The following MYO10 variants were observed in gnomAD, a reference collection of about 807,000 sequenced individuals.
The protein encoded by MYO10 is unconventional myosin-X.
In MYO10, 133 loss-of-function variants were observed where a neutral mutation model predicts 257.3. The observed-to-expected ratio is 0.52, with a 90% confidence interval of 0.45 to 0.60. MYO10 has a LOEUF of 0.60. Ranked by LOEUF, MYO10 falls within the 20% of genes least tolerant of loss-of-function variation. The pLI is 0.00. For missense variants in MYO10, 2,399 were observed against 2,635.7 expected (o/e 0.91, Z 1.97); for synonymous variants, 1,104 against 1,028.6 (o/e 1.07, Z -1.40).
intron 1 of MYO10, among the ~76,000 whole-genome samples, chr5:16,914,262 G>A (rs533024917): frequency 7.9e-5 from 12 of 152,266 alleles, no homozygotes; most frequent in African/African-American, 1.7e-4. Flanking sequence ...CAGCTCTGCC[G>A]ATCCCAACAG....
chr5:16,867,790 C>G lies in MYO10; in HGVS notation c.120+9819G>C, dbSNP rs1744323977. On this transcript the variant is annotated intron_variant, in intron 2 of 40. Transcript: ENST00000513610. ...ATGACTTGAAAGTCCCATGCAATCCCATGATCTTTTAGTGGATTAATAAAA... is the reference window on the plus strand; with the variant it reads ...ATGACTTGAAAGTCCCATGCAATCCGATGATCTTTTAGTGGATTAATAAAA... Among the ~76,000 whole-genome samples, 4 of 152,330 alleles carry G rather than the reference C, an allele frequency of 2.6e-5. No individual in the cohort carries two copies. In the South Asian group the frequency reaches 8.3e-4, roughly 32 times the overall value.
chr5:16,865,155 CA>C (rs201701607), intron 2 of MYO10, among the ~76,000 whole-genome samples: 7,562 of 147,720 alleles, frequency 0.051, 267 homozygotes, highest in South Asian at 0.17. Flanking sequence ...ATTAAAGTTT[CA>C]AAAAAAAAAG....
At chr5:16,789,941 G>C (rs1741704333) in intron 4 of MYO10, among the ~76,000 whole-genome samples, 1 of 152,072 alleles carries the variant, frequency 6.6e-6, no homozygotes, top group African/African-American at 2.4e-5. Flanking sequence ...CCCCTCTGAG[G>C]AATACACAAG....
At chr5:16,874,935 G>A (rs1289334831) in intron 2 of MYO10, among the ~76,000 whole-genome samples, 1 of 152,196 alleles carries the variant, frequency 6.6e-6, no homozygotes, top group Non-Finnish European at 1.5e-5. Context: ...TCAGAATCAT[G>A]GCGGGAGGCA....
intron 19 of MYO10, among the ~76,000 whole-genome samples, chr5:16,749,118 A>G (rs1278206342): frequency 6.6e-6 from 1 of 152,084 alleles, no homozygotes; most frequent in African/African-American, 2.4e-5. Flanking sequence ...GGCTGCATGG[A>G]AACTCTAGCC....
At chr5:16,812,755 C>T (rs1314100109) in intron 3 of MYO10, among the ~76,000 whole-genome samples, 1 of 152,166 alleles carries the variant, frequency 6.6e-6, no homozygotes, top group Non-Finnish European at 1.5e-5. Context: ...GCTTTCACTT[C>T]TTTTACTTTA....
chr5:16,757,155 T>C (rs1560968156), intron 18 of MYO10, among the ~76,000 whole-genome samples: 1 of 142,840 alleles, frequency 7.0e-6, no homozygotes, highest in African/African-American at 2.6e-5. Flanking sequence ...TCGGGTGTAG[T>C]GGCTTACACC....
Position 16,762,081 on chromosome 5 carries a change from T to A in MYO10, c.1620A>T (p.Ala540=), listed in dbSNP as rs774305900. ...NNHFYVKPRV[A]VNNFGVKHYA... The stretch of plus-strand genomic sequence containing the variant: ...AGTGCTTCACTCCAAAATTGTTAAC[T>A]GCAACTCTGGGCTTCACATAAAAGT... Residue 540 remains alanine, a synonymous_variant, in exon 16 of 41, where the codon GCA becomes GCT. Coordinates refer to ENST00000513610, the MANE Select transcript of MYO10 (RefSeq NM_012334.3). 6.2e-5 allele frequency: 87 copies of A among 1,412,850 alleles called. No homozygotes were observed. The highest frequency in any genetic ancestry group is 7.8e-5 in the Non-Finnish European group (83 of 1,066,500). 87.5% of individuals were successfully genotyped at this position (1,412,850 alleles called of 1,614,324 possible).
intron 1 of MYO10, among the ~76,000 whole-genome samples, chr5:16,932,447 G>A (rs578044365): frequency 3.3e-5 from 5 of 152,082 alleles, no homozygotes; most frequent in African/African-American, 1.2e-4. Flanking sequence ...CCCCTTTCCT[G>A]GTTGAGCCTT....
At chr5:16,802,076 C>T (rs1742135554) in intron 3 of MYO10, among the ~76,000 whole-genome samples, 1 of 152,060 alleles carries the variant, frequency 6.6e-6, no homozygotes. Flanking sequence ...ATCCAGAATA[C>T]TCAAATTGAT....
chr5:16,668,398 C>G lies in MYO10; in HGVS notation c.5954G>C (p.Arg1985Pro). 2 of 1,613,958 alleles carry G rather than the reference C, an allele frequency of 1.2e-6. No individual in the cohort carries two copies. The highest frequency in any genetic ancestry group is 1.7e-6 in the Non-Finnish European group (2 of 1,179,872). The change falls in exon 40 of 41, where the codon CGT (arginine) becomes CCT (proline). Residue 1985 changes from arginine (R) to proline (P), a missense_variant. Arg to Pro is a moderately radical substitution (Grantham distance 103). This residue lies in a region of MYO10 where 1,820 missense variants were observed against 1,939.4 expected (regional missense o/e 0.94). Coordinates refer to ENST00000513610, the MANE Select transcript of MYO10 (RefSeq NM_012334.3). ...VSADAVSVYK[R>P]GEGRPLEVFQ... ...GACTTCCAGTGGTCTTCCCTCTCCA[C>G]GCTTGTAGACGGAGACGGCGTCCGC... is the stretch of plus-strand genomic sequence containing the variant.
At chr5:16,807,295 C>T (rs1742305946) in intron 3 of MYO10, among the ~76,000 whole-genome samples, 1 of 152,198 alleles carries the variant, frequency 6.6e-6, no homozygotes, top group African/African-American at 2.4e-5. Flanking sequence ...ACACCTGTTA[C>T]TTCACACATA....
intron 19 of MYO10, among the ~76,000 whole-genome samples, chr5:16,739,194 A>G (rs1421688445): frequency 2.0e-5 from 3 of 149,766 alleles, no homozygotes; most frequent in Non-Finnish European, 3.0e-5. Context: ...CATGTCCCAA[A>G]AAAAAAAAAA....
chr5:16,809,688 C>G (rs1560995970), intron 3 of MYO10, among the ~76,000 whole-genome samples: 1 of 152,222 alleles, frequency 6.6e-6, no homozygotes, highest in Non-Finnish European at 1.5e-5. Flanking sequence ...TTTGAAACAT[C>G]TAAAAATACA....
chr5:16,916,718 T>G (rs1356980173), intron 1 of MYO10, among the ~76,000 whole-genome samples: 1 of 152,012 alleles, frequency 6.6e-6, no homozygotes, highest in Non-Finnish European at 1.5e-5. Flanking sequence ...AAGAAAACAA[T>G]AGGCTTGATG....
intron 19 of MYO10, among the ~76,000 whole-genome samples, chr5:16,717,092 C>T (rs1388627983): frequency 6.6e-6 from 1 of 152,220 alleles, no homozygotes; most frequent in African/African-American, 2.4e-5. Context: ...CCACCTCACC[C>T]TTCCAAAATG....
chr5:16,758,399 T>C (rs1740598666), intron 17 of MYO10, among the ~76,000 whole-genome samples, 173 bp from the exon 18 acceptor site: 1 of 152,182 alleles, frequency 6.6e-6, no homozygotes, highest in African/African-American at 2.4e-5. Context: ...CAAAGAGCTT[T>C]AGGCACTGAA....
At chr5:16,830,321 T>A (rs1015987969) in intron 2 of MYO10, among the ~76,000 whole-genome samples, 3 of 152,172 alleles carry the variant, frequency 2.0e-5, no homozygotes, top group African/African-American at 7.2e-5. Context: ...GGTACAGATT[T>A]CCTTTAAATC....
intron 19 of MYO10, among the ~76,000 whole-genome samples, chr5:16,714,462 A>G (rs1298740329): frequency 6.6e-6 from 1 of 152,048 alleles, no homozygotes; most frequent in Non-Finnish European, 1.5e-5. Flanking sequence ...GTAGAGACCA[A>G]CGGGGTCAGA....
Sources: gnomAD v4.1 joint callset for allele counts (sites outside exome capture counted in the v4.1 genomes callset) on GRCh38, gnomAD v4.1.1 for gene constraint, gnomAD v4.1.1 regional missense constraint, MANE v1.5 for transcripts, NCBI Gene and HGNC (gene_info 2026-07-23, HGNC 2026-07-21) for gene names.